Variants in COL4A5 observed in about 807,000 individuals in gnomAD.
COL4A5 encodes collagen alpha-5(IV) chain.
In COL4A5, 26 loss-of-function variants were observed where a neutral mutation model predicts 130.2. The ratio of observed to expected loss-of-function variants is 0.20; its 90% CI spans 0.15 to 0.28. The LOEUF is 0.28. Among genes scored for constraint, COL4A5 ranks in the 10% least tolerant of loss-of-function variants. The pLI is 1.00. For missense variants in COL4A5, 1,131 were observed against 1,344.3 expected (o/e 0.84, Z 2.48); for synonymous variants, 496 against 439.6 (o/e 1.13, Z -1.60).
chrX:108,515,793 G>A (rs1054202883), intron 1 of COL4A5, among the ~76,000 whole-genome samples: 1 of 111,613 alleles, frequency 9.0e-6, no homozygotes, highest in Non-Finnish European at 1.9e-5. Flanking sequence ...GGTGGCAGTG[G>A]TACATTTTTT....
At chrX:108,556,884 TTACTA>T (rs1246177415) in intron 2 of COL4A5, among the ~76,000 whole-genome samples, 1 of 111,452 alleles carries the variant, frequency 9.0e-6, no homozygotes, top group Non-Finnish European at 1.9e-5. Flanking sequence ...TCTCTCTTCT[TTACTA>T]TAATATTGCT....
chrX:108,577,372 C>CAAAAAA (rs746311921), intron 10 of COL4A5, among the ~76,000 whole-genome samples: 3 of 29,906 alleles, frequency 1.0e-4, no homozygotes, highest in African/African-American at 1.8e-4. Flanking sequence ...AACTCCTTCT[C>CAAAAAA]AAAAAAAAAA....
At chrX:108,564,977 TC>T (rs1448680780) in intron 4 of COL4A5, among the ~76,000 whole-genome samples, 9 of 105,973 alleles carry the variant, frequency 8.5e-5, no homozygotes, top group African/African-American at 3.1e-4. Context: ...CAGACATAAT[TC>T]TTTATTTTTC....
chrX:108,683,665 G>T (rs2068484183), intron 47 of COL4A5, among the ~76,000 whole-genome samples: 2 of 111,337 alleles, frequency 1.8e-5, no homozygotes, highest in South Asian at 7.5e-4. Context: ...AATTGTGAAT[G>T]GGAGTTCACT....
At chrX:108,539,718 A>AT (rs774305742) in intron 1 of COL4A5, 28 bp from the exon 2 acceptor site, 28 of 1,181,041 alleles carry the variant, frequency 2.4e-5, no homozygotes, top group South Asian at 1.8e-4. Flanking sequence ...ATATTTAATG[A>AT]TTTTTTCCCT....
intron 1 of COL4A5, among the ~76,000 whole-genome samples, chrX:108,448,336 TAATAA>T (rs1183066612): frequency 8.9e-6 from 1 of 112,657 alleles, no homozygotes; most frequent in African/African-American, 3.2e-5. Context: ...TTTTTGACAG[TAATAA>T]AATAAGACTT....
intron 36 of COL4A5, chrX:108,627,699 A>C: frequency 1.2e-5 from 5 of 414,828 alleles, no homozygotes; most frequent in Non-Finnish European, 1.5e-5. Flanking sequence ...GAAAAGATGT[A>C]AAATAAAAAG....
chrX:108,542,395 A>G (rs1421014540), intron 2 of COL4A5, among the ~76,000 whole-genome samples: 1 of 109,896 alleles, frequency 9.1e-6, no homozygotes, highest in Non-Finnish European at 1.9e-5. Flanking sequence ...GCTGAGAATG[A>G]TGGTTTCCAG....
At chrX:108,674,579 C>T in intron 42 of COL4A5, 166 bp from the exon 43 acceptor site, 1 of 510,843 alleles carries the variant, frequency 2.0e-6, no homozygotes. Flanking sequence ...GTTCTGTTTG[C>T]ATACTGATTA....
chrX:108,543,293 A>G (rs1402619859), intron 2 of COL4A5, among the ~76,000 whole-genome samples: 1 of 111,813 alleles, frequency 8.9e-6, no homozygotes, highest in African/African-American at 3.3e-5. Flanking sequence ...TATAAGGTGT[A>G]AGGAAGGGAT....
intron 29 of COL4A5, among the ~76,000 whole-genome samples, chrX:108,610,396 G>A (rs2066812313): frequency 1.8e-5 from 2 of 111,029 alleles, no homozygotes; most frequent in Admixed American, 9.6e-5. Flanking sequence ...CCCCAGACTA[G>A]CTCAATACAA....
chrX:108,483,326 G>A (rs1198084811), intron 1 of COL4A5, among the ~76,000 whole-genome samples: 4 of 110,810 alleles, frequency 3.6e-5, no homozygotes, highest in Non-Finnish European at 5.7e-5. Flanking sequence ...CCTGAGGAGC[G>A]AGGAGAACCA....
chrX:108,626,579 A>C, intron 36 of COL4A5: 2 of 1,120,852 alleles, frequency 1.8e-6, no homozygotes, highest in South Asian at 4.2e-5. Flanking sequence ...TTTTTCTTCT[A>C]TCTTAATTTC....
rs1377146089 is a variant in COL4A5, at chrX:108,447,365, A to C, written c.81+7159A>C. On this transcript the variant is annotated intron_variant, in intron 1 of 52. Coordinates refer to ENST00000328300, the MANE Select transcript of COL4A5 (RefSeq NM_033380.3). ...ATACGGAATGTGAGGTCCCCCATCC[A>C]TTTTGTACCACTCCCAATTTGTAAC... Among the ~76,000 whole-genome samples the C allele has an allele frequency of 5.4e-5, 6 of 111,582 alleles. No individual in the cohort carries two copies. The Admixed American group carries it at 5.7e-4, about 11-fold the overall frequency.
At chrX:108,596,514 G>A (rs1327701854) in intron 22 of COL4A5, among the ~76,000 whole-genome samples, 2 of 112,261 alleles carry the variant, frequency 1.8e-5, no homozygotes, top group African/African-American at 6.5e-5. Flanking sequence ...CTTTAGTAAT[G>A]TTTCCTCTAG....
rs755394976 is a variant in COL4A5 at position 108,692,821 on chromosome X, C to T, written c.4602C>T (p.Asn1534=). 10 of 1,211,227 alleles carry T rather than the reference C, an allele frequency of 8.3e-6. No homozygotes were observed. The East Asian group carries it at 2.7e-4, about 32-fold the overall frequency. ...FMFCNINNVC[N]FASRNDYSYW... is the part of the protein sequence containing the mutation. ...TCTGCAACATCAATAATGTTTGCAA[C>T]TTTGCTTCAAGAAATGACTATTCTT... The change falls in exon 50 of 53, where the codon AAC becomes AAT. Residue 1534 remains asparagine, a synonymous_variant. Coordinates refer to ENST00000328300, the MANE Select transcript of COL4A5 (RefSeq NM_033380.3).
At chrX:108,459,542 A>C (rs969223904) in intron 1 of COL4A5, among the ~76,000 whole-genome samples, 1 of 112,311 alleles carries the variant, frequency 8.9e-6, no homozygotes, top group Non-Finnish European at 1.9e-5. Context: ...TTTTGAACGT[A>C]TTTGCACTTC....
intron 1 of COL4A5, among the ~76,000 whole-genome samples, chrX:108,453,209 C>A (rs1477074504): frequency 9.0e-6 from 1 of 111,540 alleles, no homozygotes; most frequent in East Asian, 2.8e-4. Flanking sequence ...TTAAAAAAAG[C>A]TAGTTGATAA....
At chrX:108,539,946 G>A (rs759928371) in intron 2 of COL4A5, 141 bp downstream of exon 2, 3 of 512,843 alleles carry the variant, frequency 5.8e-6, no homozygotes, top group Non-Finnish European at 9.9e-6. Context: ...ATTTTAGAGA[G>A]CTTATAAGGA....
Sources: gnomAD v4.1 joint callset for allele counts (sites outside exome capture counted in the v4.1 genomes callset) on GRCh38, gnomAD v4.1.1 for gene constraint, MANE v1.5 for transcripts, NCBI Gene and HGNC (gene_info 2026-07-23, HGNC 2026-07-21) for gene names.